Variants in ADCY5 observed in about 807,000 individuals in gnomAD.
ADCY5 encodes adenylate cyclase type 5.
In ADCY5, 30 loss-of-function variants were observed where a neutral mutation model predicts 119.7. The ratio of observed to expected loss-of-function variants is 0.25; its 90% CI spans 0.19 to 0.34. ADCY5 has a LOEUF of 0.34. ADCY5 is among the 10% of genes least tolerant of loss of function. The pLI, the probability that ADCY5 is intolerant of heterozygous loss-of-function variation, is 1.00. For synonymous variants in ADCY5, 753 were observed against 762.2 expected (o/e 0.99, Z 0.20); for missense variants, 1,324 against 1,775.2 (o/e 0.75, Z 4.57).
chr3:123,303,838 AAAGAG>A (rs780526569), intron 13 of ADCY5, among the ~76,000 whole-genome samples: 46 of 99,454 alleles, frequency 4.6e-4, no homozygotes, highest in African/African-American at 2.1e-3. Context: ...ACTGGAAAGA[AAAGAG>A]AAGAGAAGAG....
chr3:123,350,696 C>T (rs1375878157), intron 2 of ADCY5, among the ~76,000 whole-genome samples: 6 of 152,230 alleles, frequency 3.9e-5, no homozygotes, highest in African/African-American at 1.4e-4. Context: ...AGAAAGCTTC[C>T]CCTCCTCAGC....
At chr3:123,306,678 T>C (rs1036938733) in intron 12 of ADCY5, among the ~76,000 whole-genome samples, 7 of 152,150 alleles carry the variant, frequency 4.6e-5, no homozygotes, top group Non-Finnish European at 2.9e-5. Context: ...GGGAAAACAA[T>C]AGGGTAGCTC....
At chr3:123,413,738 G>A (rs1022261310) in intron 1 of ADCY5, among the ~76,000 whole-genome samples, 2 of 152,212 alleles carry the variant, frequency 1.3e-5, no homozygotes, top group African/African-American at 4.8e-5. Context: ...TGAGGGCAGG[G>A]AAAGCAGTTC....
chr3:123,447,523 C>A lies in ADCY5; in HGVS notation c.1023G>T (p.Thr341=). The change falls in exon 1 of 21, where the codon ACG becomes ACT. Residue 341 remains threonine, a synonymous_variant. Coordinates refer to ENST00000462833, the MANE Select transcript of ADCY5 (RefSeq NM_183357.3). ...CGGCCCGCATGCGCACGGGCAGCAG[C>A]GTGTAGATGGTGTAGATGAAGAACA... ...WTVFFIYTIY[T]LLPVRMRAAV... 6.2e-7 allele frequency: 1 copy of A among 1,611,154 alleles called. No individual in the cohort carries two copies.
rs1942880213 is a variant in ADCY5 at position 123,352,618 on chromosome 3, C to A, written c.1135-37G>T. Reference sequence around the variant, plus strand: ...GAGAGGAGCACACCTAGCTCAGATCCTGACCTTCCTGGCCCCAAAGCATGA... The same window carrying A: ...GAGAGGAGCACACCTAGCTCAGATCATGACCTTCCTGGCCCCAAAGCATGA... On this transcript the variant is annotated intron_variant, in intron 1 of 20. Transcript: ENST00000462833. The surrounding 1 kb of genome is among the most constrained non-coding windows in gnomAD (Gnocchi z 4.8). 1 of 1,572,320 alleles carries A rather than the reference C, an allele frequency of 6.4e-7. No homozygotes were observed. Among genetic ancestry groups the A allele is most frequent in the Non-Finnish European group, 8.7e-7 (1 of 1,152,932 alleles).
chr3:123,331,344 C>T (rs1941755104), intron 4 of ADCY5, among the ~76,000 whole-genome samples: 1 of 152,200 alleles, frequency 6.6e-6, no homozygotes, highest in Admixed American at 6.5e-5. Flanking sequence ...AGCAGGGTGG[C>T]CTTATCAGCT....
intron 1 of ADCY5, among the ~76,000 whole-genome samples, chr3:123,435,511 G>A (rs764079649): frequency 6.6e-6 from 1 of 152,168 alleles, no homozygotes; most frequent in Non-Finnish European, 1.5e-5. Context: ...TCTCCAGGAA[G>A]CTGGCAGGCC....
intron 19 of ADCY5, among the ~76,000 whole-genome samples, chr3:123,288,983 C>T (rs1056511848): frequency 2.0e-5 from 3 of 152,150 alleles, no homozygotes; most frequent in Non-Finnish European, 4.4e-5. Flanking sequence ...GGATGAGCAG[C>T]CACTGGAAGA....
rs917012403 is a variant in ADCY5 at position 123,296,278 on chromosome 3, C to T, written c.2931-62G>A. 4 of 1,533,154 alleles carry T rather than the reference C, an allele frequency of 2.6e-6. No individual in the cohort carries two copies. In the Admixed American group the frequency reaches 5.3e-5, roughly 20 times the overall value. 95.0% of individuals were successfully genotyped at this position (1,533,154 alleles called of 1,614,324 possible). ...GGCTCCTCACAGCGGGCTCTGAGGA[C>T]CCCACCCCCACCCACTGCTGGCCCT... On this transcript the variant is annotated intron_variant, in intron 16 of 20. Transcript: ENST00000462833.
At chr3:123,384,787 A>C (rs1944162774) in intron 1 of ADCY5, among the ~76,000 whole-genome samples, 1 of 152,120 alleles carries the variant, frequency 6.6e-6, no homozygotes, top group South Asian at 2.1e-4. Context: ...TAACTTGGGA[A>C]GCATGAAGAG....
chr3:123,371,291 A>T (rs1322934490), intron 1 of ADCY5, among the ~76,000 whole-genome samples: 1 of 152,230 alleles, frequency 6.6e-6, no homozygotes, highest in Non-Finnish European at 1.5e-5. Flanking sequence ...CAAAATAGGG[A>T]TGATACTATC....
At chr3:123,345,266 GA>G (rs1280432719) in intron 3 of ADCY5, among the ~76,000 whole-genome samples, 8 of 152,264 alleles carry the variant, frequency 5.3e-5, no homozygotes, top group African/African-American at 1.9e-4. Flanking sequence ...GATGGTGAGA[GA>G]GGGCAAGAAC....
chr3:123,297,643 T>G (rs1023081256), intron 15 of ADCY5, among the ~76,000 whole-genome samples: 1 of 152,156 alleles, frequency 6.6e-6, no homozygotes, highest in Admixed American at 6.5e-5. Flanking sequence ...CCCCAGCATA[T>G]CTACCTGGGT....
intron 2 of ADCY5, among the ~76,000 whole-genome samples, chr3:123,351,101 C>T (rs1942820192): frequency 6.6e-6 from 1 of 152,074 alleles, no homozygotes; most frequent in African/African-American, 2.4e-5. Flanking sequence ...GAGAGCCAGG[C>T]TGGGGACTGG....
At chr3:123,412,696 C>T (rs60560413) in intron 1 of ADCY5, among the ~76,000 whole-genome samples, 4,161 of 152,148 alleles carry the variant, frequency 0.027, 196 homozygotes, top group African/African-American at 0.094. Flanking sequence ...CCTCTGGGAT[C>T]CAACTCCCCC....
intron 1 of ADCY5, among the ~76,000 whole-genome samples, chr3:123,432,991 A>T (rs1270827836): frequency 6.6e-6 from 1 of 152,232 alleles, no homozygotes; most frequent in Non-Finnish European, 1.5e-5. Context: ...TTCCTCCCAC[A>T]GTGTTGGGCA....
At chr3:123,427,658 G>C (rs1263019755) in intron 1 of ADCY5, among the ~76,000 whole-genome samples, 2 of 152,170 alleles carry the variant, frequency 1.3e-5, no homozygotes, top group Non-Finnish European at 2.9e-5. Flanking sequence ...CCAGTTCCTT[G>C]TGTGAGCTTG....
In ADCY5 at chr3:123,352,231, G is replaced by A. The variant is rs1025550227; in HGVS notation, c.1284+201C>T. ...GCTATGGGCACCAGGCCTTGGGCACGGGCTGGGTAGAACTCACTTCCCACA... is the reference window on the plus strand; with the variant it reads ...GCTATGGGCACCAGGCCTTGGGCACAGGCTGGGTAGAACTCACTTCCCACA... On this transcript the variant is annotated intron_variant, in intron 2 of 20. Transcript: ENST00000462833. This position sits in a 1 kb window ranked among gnomAD's most constrained non-coding sequence, Gnocchi z 4.8. Among the ~76,000 whole-genome samples the A allele has an allele frequency of 1.3e-5, 2 of 152,126 alleles. No homozygotes were observed. Among genetic ancestry groups the A allele is most frequent in the African/African-American group, 4.8e-5 (2 of 41,428 alleles).
chr3:123,448,634 AC>A lies in ADCY5; in HGVS notation c.-90del. ...GGAGGGCGGACGGCCGAGCAGGGGG[AC>A]CAGGCTAGGGTCACACGTCGGGGGC... On this transcript the variant is annotated 5_prime_UTR_variant, in exon 1 of 21. Transcript: ENST00000462833. 1.7e-6 allele frequency: 2 copies of A among 1,204,550 alleles called. No individual in the cohort carries two copies. Among genetic ancestry groups the A allele is most frequent in the East Asian group, 3.2e-5 (1 of 31,424 alleles). 74.6% of individuals were successfully genotyped at this position (1,204,550 alleles called of 1,614,324 possible).
Sources: allele counts gnomAD v4.1 joint callset (sites outside exome capture counted in the v4.1 genomes callset), GRCh38; gene constraint gnomAD v4.1.1; non-coding constraint Gnocchi (gnomAD v3.1); transcripts MANE v1.5; gene names NCBI Gene and HGNC (gene_info 2026-07-23, HGNC 2026-07-21).